Variants in NAV1 observed in about 807,000 individuals in gnomAD.
The protein encoded by NAV1 is pore membrane and/or filament interacting like protein 3.
In NAV1, 18 loss-of-function variants were observed where a neutral mutation model predicts 175.2. The observed-to-expected ratio is 0.10, with a 90% CI of 0.07 to 0.15. NAV1 has a LOEUF of 0.15. Ranked by LOEUF, NAV1 falls within the 10% of genes least tolerant of loss-of-function variation. The probability of loss-of-function intolerance (pLI) is 1.00; values close to 1 mark genes in which losing one functional copy is unlikely to be tolerated. For missense variants in NAV1, 1,731 were observed against 2,436.6 expected, an observed-to-expected ratio of 0.71 and a Z score of 6.10; for synonymous variants, 897 against 978.7, an observed-to-expected ratio of 0.92 and a Z score of 1.56.
intron 3 of NAV1, among the ~76,000 whole-genome samples, chr1:201,735,772 T>C (rs761604889): frequency 6.6e-6 from 1 of 152,228 alleles, no homozygotes. Flanking sequence ...AATTATTTTC[T>C]TAGACATCTG....
chr1:201,586,475 G>C lies in NAV1; in HGVS notation c.-143-2064G>C, dbSNP rs673524. ...ATAACAAAGTGCCACAGACTAGGTGGCTTAAACAACAGAAATTTATTTTCA... is the reference window on the plus strand; with the variant it reads ...ATAACAAAGTGCCACAGACTAGGTGCCTTAAACAACAGAAATTTATTTTCA... On this transcript the variant is annotated intron_variant, in intron 1 of 33. Coordinates refer to the NAV1 transcript ENST00000685211. Among the ~76,000 whole-genome samples, 397 of 152,254 alleles carry C rather than the reference G, an allele frequency of 2.6e-3. 2 individuals carry two copies. Among genetic ancestry groups the C allele is most frequent in the African/African-American group, 9.0e-3 (374 of 41,544 alleles).
chr1:201,588,924 T>C (rs1232275006), intron 2 of NAV1, among the ~76,000 whole-genome samples: 2 of 152,176 alleles, frequency 1.3e-5, no homozygotes, highest in Non-Finnish European at 2.9e-5. Flanking sequence ...CTTGGTTCAC[T>C]GCAACCTCTG....
chr1:201,568,535 C>G (rs772315306), intron 1 of NAV1, among the ~76,000 whole-genome samples: 1 of 152,104 alleles, frequency 6.6e-6, no homozygotes, highest in African/African-American at 2.4e-5. Flanking sequence ...ACACATGACC[C>G]CAAACATGCT....
At chr1:201,648,817 C>CCGGCGGCGG in exon 1 of NAV1, 3 of 1,582,296 alleles carry the variant, frequency 1.9e-6, no homozygotes, top group Non-Finnish European at 2.6e-6. Flanking sequence ...GCCAAGGCGC[C>CCGGCGGCGG]CGGCGGCGGC....
At chr1:201,553,676 C>T (rs1665930965) in intron 1 of NAV1, among the ~76,000 whole-genome samples, 3 of 152,220 alleles carry the variant, frequency 2.0e-5, no homozygotes, top group African/African-American at 7.2e-5. Context: ...TGTCAATGTG[C>T]TCCCACCCAC....
chr1:201,721,601 T>C (rs1246134785), intron 3 of NAV1, among the ~76,000 whole-genome samples: 1 of 152,226 alleles, frequency 6.6e-6, no homozygotes, highest in Non-Finnish European at 1.5e-5. Context: ...CTTAAAAAAC[T>C]GTTTTTCTAG....
At chr1:201,633,199 C>G (rs1273023242) in intron 2 of NAV1, among the ~76,000 whole-genome samples, 1 of 152,222 alleles carries the variant, frequency 6.6e-6, no homozygotes, top group Non-Finnish European at 1.5e-5. Flanking sequence ...ACCAGGACCA[C>G]TGCTTTCTGA....
At chr1:201,645,054 T>G (rs1034919226), upstream of NAV1, among the ~76,000 whole-genome samples, 2 of 152,294 alleles carry the variant, frequency 1.3e-5, no homozygotes, top group East Asian at 3.9e-4. Flanking sequence ...TTACTGGGTA[T>G]ATACCCAAAG....
chr1:201,687,839 A>G (rs1466361022), intron 1 of NAV1, among the ~76,000 whole-genome samples: 2 of 152,166 alleles, frequency 1.3e-5, no homozygotes, highest in African/African-American at 2.4e-5. Context: ...GAGGGCGGGC[A>G]AGTTTCTCCA....
upstream of NAV1, among the ~76,000 whole-genome samples, chr1:201,618,216 G>A (rs115402478): frequency 6.6e-6 from 1 of 152,224 alleles, no homozygotes; most frequent in African/African-American, 2.4e-5. Context: ...CAACCCAGGT[G>A]TGCCACTTGC....
At chr1:201,608,371 G>A (rs678660) in intron 2 of NAV1, among the ~76,000 whole-genome samples, 16,128 of 152,092 alleles carry the variant, frequency 0.11, 943 homozygotes, top group East Asian at 0.14. Context: ...CCAAGTCTGC[G>A]AATGCCAGTG....
intron 1 of NAV1, among the ~76,000 whole-genome samples, chr1:201,552,758 C>T (rs1026192322): frequency 6.6e-6 from 1 of 152,310 alleles, no homozygotes; most frequent in African/African-American, 2.4e-5. Context: ...ATCCACCGAA[C>T]GTACACCGGA....
chr1:201,794,484 T>C, exon 15 of NAV1: 6 of 1,613,370 alleles, frequency 3.7e-6, no homozygotes, highest in Non-Finnish European at 5.1e-6. Context: ...GCTGCTGGAT[T>C]TGCGAGAAAC....
chr1:201,775,937 A>G (rs1675910814), intron 3 of NAV1, among the ~76,000 whole-genome samples: 2 of 152,096 alleles, frequency 1.3e-5, no homozygotes, highest in South Asian at 4.2e-4. Context: ...CACGCCTATA[A>G]TCCCAGCTAC....
At chr1:201,557,349 C>G (rs545224637) in intron 1 of NAV1, among the ~76,000 whole-genome samples, 1 of 152,234 alleles carries the variant, frequency 6.6e-6, no homozygotes, top group Non-Finnish European at 1.5e-5. Flanking sequence ...TCCTTCAGCA[C>G]AGCCCACAGG....
intron 3 of NAV1, among the ~76,000 whole-genome samples, chr1:201,719,880 G>A (rs1247255888): frequency 1.3e-5 from 2 of 152,058 alleles, no homozygotes; most frequent in Non-Finnish European, 2.9e-5. Context: ...CGGAAAAGAC[G>A]AGAGCCAAGC....
At chr1:201,769,627 G>A (rs926660796) in intron 3 of NAV1, among the ~76,000 whole-genome samples, 2 of 152,102 alleles carry the variant, frequency 1.3e-5, no homozygotes, top group African/African-American at 4.8e-5. Context: ...TGCTGTCTTG[G>A]AACCTGTTTC....
intron 1 of NAV1, among the ~76,000 whole-genome samples, chr1:201,552,108 G>A (rs1488739093): frequency 6.6e-6 from 1 of 152,246 alleles, no homozygotes; most frequent in Non-Finnish European, 1.5e-5. Context: ...GGCCACTGCT[G>A]AGCTGGCCAC....
chr1:201,649,787 CTGCGCTTGACAGGAGCATCCCGCAT>C (rs1365635784), intron 1 of NAV1, among the ~76,000 whole-genome samples: 1 of 152,208 alleles, frequency 6.6e-6, no homozygotes, highest in Non-Finnish European at 1.5e-5. Flanking sequence ...GTGGTGTGGC[CTGCGCTTGACAGGAGCATCCCGCAT>C]TGCAAGGGGA....
Sources: gnomAD v4.1 joint callset for allele counts (sites outside exome capture counted in the v4.1 genomes callset) on GRCh38, gnomAD v4.1.1 for gene constraint, MANE v1.5 for transcripts, NCBI Gene and HGNC (gene_info 2026-07-23, HGNC 2026-07-21) for gene names.